COL4A5: variants seen among roughly 807,000 people sequenced by gnomAD.
COL4A5 encodes the protein collagen alpha-5(IV) chain.
A neutral mutation model predicts 130.2 loss-of-function variants in COL4A5; 26 were observed. That is an observed-to-expected ratio of 0.20 (90% confidence interval 0.15 to 0.28). COL4A5 has a LOEUF of 0.28. COL4A5 is among the 10% of genes least tolerant of loss of function. The pLI is 1.00. For missense variants in COL4A5, 1,131 were observed against 1,344.3 expected (o/e 0.84, Z 2.48); for synonymous variants, 496 against 439.6 (o/e 1.13, Z -1.60).
chrX:108,616,967 G>A (rs901477386), intron 30 of COL4A5, among the ~76,000 whole-genome samples: 6 of 110,474 alleles, frequency 5.4e-5, no homozygotes, highest in African/African-American at 1.6e-4. Flanking sequence ...TATTTCTTTT[G>A]TAAATATATG....
chrX:108,643,845 C>T (rs1393505995), intron 36 of COL4A5, among the ~76,000 whole-genome samples: 1 of 111,772 alleles, frequency 8.9e-6, no homozygotes, highest in Non-Finnish European at 1.9e-5. Context: ...TACCAAGGTA[C>T]GCAGGCAACA....
chrX:108,473,949 C>G (rs947778047), intron 1 of COL4A5, among the ~76,000 whole-genome samples: 1 of 110,133 alleles, frequency 9.1e-6, no homozygotes, highest in Non-Finnish European at 1.9e-5. Flanking sequence ...TATTTTTGTA[C>G]AGCTGTACAA....
chrX:108,461,855 A>G (rs1207582286), intron 1 of COL4A5, among the ~76,000 whole-genome samples: 1 of 112,010 alleles, frequency 8.9e-6, no homozygotes, highest in Non-Finnish European at 1.9e-5. Flanking sequence ...TTGGCCTCCA[A>G]AAGTGCTGGG....
intron 32 of COL4A5, among the ~76,000 whole-genome samples, chrX:108,622,108 A>C (rs1363857737): frequency 1.8e-5 from 2 of 112,301 alleles, no homozygotes; most frequent in Non-Finnish European, 3.8e-5. Flanking sequence ...AAAATAACAA[A>C]ATATAAGGAT....
Position 108,505,807 on chromosome X carries a change from G to A in COL4A5, c.82-33939G>A, listed in dbSNP as rs188771579. ...TAGGCTGAGTTGACTAATACAGTTG[G>A]AATACTTTTAAAAAGAGATAGTTTC... is the stretch of plus-strand genomic sequence containing the variant. On this transcript the variant is annotated intron_variant, in intron 1 of 52. Transcript: ENST00000328300. Among the ~76,000 whole-genome samples, 20 of 112,122 alleles carry A rather than the reference G, an allele frequency of 1.8e-4. No homozygotes were observed. The East Asian group carries it at 5.6e-3, about 32-fold the overall frequency.
intron 1 of COL4A5, among the ~76,000 whole-genome samples, chrX:108,450,037 G>C (rs928995878): frequency 1.3e-4 from 14 of 111,393 alleles, no homozygotes; most frequent in Non-Finnish European, 2.4e-4. Flanking sequence ...ATACTCTCAG[G>C]GGGGAGAAAG....
chrX:108,476,542 T>A (rs57983931), intron 1 of COL4A5, among the ~76,000 whole-genome samples: 50 of 86,116 alleles, frequency 5.8e-4, no homozygotes, highest in African/African-American at 3.6e-3. Flanking sequence ...TTTTTTTTTT[T>A]TACCTATTAA....
chrX:108,636,516 C>T (rs986679892), intron 36 of COL4A5, among the ~76,000 whole-genome samples: 8 of 110,000 alleles, frequency 7.3e-5, no homozygotes, highest in Admixed American at 3.0e-4. Context: ...AGACAGCTCA[C>T]GAGATGAAAG....
At chrX:108,453,130 A>G (rs1274710142) in intron 1 of COL4A5, among the ~76,000 whole-genome samples, 2 of 111,715 alleles carry the variant, frequency 1.8e-5, no homozygotes, top group East Asian at 5.6e-4. Context: ...GATTACATTT[A>G]TTGATTTGCG....
At chrX:108,663,142 C>T (rs1196103562) in intron 37 of COL4A5, among the ~76,000 whole-genome samples, 4 of 111,731 alleles carry the variant, frequency 3.6e-5, no homozygotes, top group African/African-American at 6.5e-5. Context: ...ATGCACTATC[C>T]TTTTGTTCAT....
chrX:108,682,196 T>C (rs1366524508), intron 47 of COL4A5, among the ~76,000 whole-genome samples: 1 of 110,896 alleles, frequency 9.0e-6, no homozygotes, highest in Non-Finnish European at 1.9e-5. Context: ...CTGAGAATGA[T>C]GGTTTTGTCC....
chrX:108,458,510 G>A (rs1000933630), intron 1 of COL4A5, among the ~76,000 whole-genome samples: 5 of 111,153 alleles, frequency 4.5e-5, no homozygotes, highest in Non-Finnish European at 7.5e-5. Context: ...CTTCGCCCCC[G>A]CCTCCTTCTT....
At position 108,469,974 on chromosome X, in the gene COL4A5, T is replaced by G. The variant is rs770209680; in HGVS notation, c.81+29768T>G. On this transcript the variant is annotated intron_variant, in intron 1 of 52. Coordinates refer to ENST00000328300, the MANE Select transcript of COL4A5 (RefSeq NM_033380.3). ...TGCAAAAGACTCGATTTCACTCATT[T>G]TTATGGCTGTGTAGTGTTCCATGGT... Among the ~76,000 whole-genome samples, 3 of 112,505 alleles carry G rather than the reference T, an allele frequency of 2.7e-5. No homozygotes were observed. In the South Asian group the frequency reaches 1.1e-3, roughly 42 times the overall value.
At chrX:108,652,202 A>G (rs1165117104) in intron 36 of COL4A5, among the ~76,000 whole-genome samples, 2 of 112,233 alleles carry the variant, frequency 1.8e-5, no homozygotes, top group East Asian at 2.8e-4. Flanking sequence ...ATCCAAACTC[A>G]TAAGTATGTA....
At chrX:108,622,961 A>G (rs938129339) in intron 33 of COL4A5, 136 bp downstream of exon 33, 28 of 573,519 alleles carry the variant, frequency 4.9e-5, no homozygotes, top group Non-Finnish European at 7.7e-5. Context: ...GGTAACAAAT[A>G]TTAATTTTCA....
chrX:108,607,660 T>C (rs1218039819), intron 29 of COL4A5, among the ~76,000 whole-genome samples: 1 of 109,478 alleles, frequency 9.1e-6, no homozygotes, highest in Admixed American at 9.8e-5. Context: ...ATTTTTGTAT[T>C]TTTAGTAGAG....
intron 1 of COL4A5, among the ~76,000 whole-genome samples, chrX:108,478,719 C>G (rs1196939189): frequency 8.9e-6 from 1 of 111,879 alleles, no homozygotes; most frequent in Admixed American, 9.4e-5. Flanking sequence ...AGGGGCAATG[C>G]TGTGTGGAAT....
intron 4 of COL4A5, among the ~76,000 whole-genome samples, chrX:108,564,341 A>T (rs1031407618): frequency 5.4e-5 from 6 of 111,564 alleles, no homozygotes; most frequent in African/African-American, 2.0e-4. Context: ...ATGTATAAAC[A>T]TTATCATTTT....
chrX:108,609,044 A>G (rs926611319), intron 29 of COL4A5, among the ~76,000 whole-genome samples: 1 of 111,791 alleles, frequency 8.9e-6, no homozygotes, highest in African/African-American at 3.2e-5. Flanking sequence ...TGTATCATGG[A>G]TACCTGGGTT....
Sources: gnomAD v4.1 joint callset for allele counts (sites outside exome capture counted in the v4.1 genomes callset) on GRCh38, gnomAD v4.1.1 for gene constraint, MANE v1.5 for transcripts, NCBI Gene and HGNC (gene_info 2026-07-23, HGNC 2026-07-21) for gene names.